Variants in WASF3 observed in about 807,000 individuals in gnomAD.
WASF3 encodes WASP family member 3, also known as actin-binding protein WASF3.
WASF3 carries 11 observed loss-of-function variants against 46.6 expected under a neutral mutation model. That is an observed-to-expected ratio of 0.24 (90% confidence interval 0.15 to 0.39). WASF3 has a LOEUF of 0.39. Ranked by LOEUF, WASF3 falls within the 10% of genes least tolerant of loss-of-function variation. WASF3 has a pLI of 1.00. For missense variants in WASF3, 576 were observed against 669.8 expected (o/e 0.86, Z 1.55); for synonymous variants, 242 against 259.7 (o/e 0.93, Z 0.65).
At chr13:26,677,787 C>T (rs984822251) in intron 7 of WASF3, among the ~76,000 whole-genome samples, 3 of 152,196 alleles carry the variant, frequency 2.0e-5, no homozygotes, top group Non-Finnish European at 4.4e-5. Flanking sequence ...CAGTTCTGCT[C>T]ATAGTTCTTT....
rs2137517645 is a variant in WASF3 at position 26,682,781 on chromosome 13, C to A, written c.1158C>A (p.Pro386=). 1 of 1,611,874 alleles carries A rather than the reference C, an allele frequency of 6.2e-7. No individual in the cohort carries two copies. ...CGCACGCAGCTCCTCCTCACCCACC[C>A]TCCACCGGGCTCCTGGTCACAGCCC... ...SSTHAAPPHP[P]STGLLVTAPP... Residue 386 remains proline, a synonymous_variant, in exon 9 of 10, where the codon CCC becomes CCA. Coordinates refer to ENST00000335327, the MANE Select transcript of WASF3 (RefSeq NM_006646.6). The surrounding 1 kb of genome is among the most constrained non-coding windows in gnomAD (Gnocchi z 4.4).
chr13:26,651,320 A>G (rs1461953398), intron 3 of WASF3, among the ~76,000 whole-genome samples: 2 of 152,180 alleles, frequency 1.3e-5, no homozygotes, highest in East Asian at 3.8e-4. Flanking sequence ...GACTCTAAAA[A>G]AACACAAAAA....
chr13:26,679,931 C>G lies in WASF3; in HGVS notation c.717-1123C>G, dbSNP rs576605621. 6.6e-6 allele frequency: 9 copies of G among 1,364,380 alleles called. No individual in the cohort carries two copies. In the South Asian group the frequency reaches 1.1e-4, roughly 17 times the overall value. 84.5% of individuals were successfully genotyped at this position (1,364,380 alleles called of 1,614,324 possible). ...AAGGCTTTTCTGTGCCACATGGTGC[C>G]CCAGTTAAGAAAAGCTACCAACTGG... On this transcript the variant is annotated intron_variant, in intron 7 of 9. Coordinates refer to ENST00000335327, the MANE Select transcript of WASF3 (RefSeq NM_006646.6). This position sits in a 1 kb window ranked among gnomAD's most constrained non-coding sequence, Gnocchi z 4.8.
At chr13:26,544,972 CAGAA>C in the WASF3 span, among the ~76,000 whole-genome samples, 1 of 152,224 alleles carries the variant, frequency 6.6e-6, no homozygotes, top group South Asian at 2.1e-4. Flanking sequence ...ATGTCAATAA[CAGAA>C]GGACATTTTT....
chr13:26,636,939 A>G (rs188564483), intron 2 of WASF3, among the ~76,000 whole-genome samples: 86 of 152,328 alleles, frequency 5.6e-4, no homozygotes, highest in Non-Finnish European at 1.0e-3. Context: ...GCCTCTGAGC[A>G]CTGGGTCCCT....
At chr13:26,578,432 TC>T (rs1879866619) in intron 1 of WASF3, among the ~76,000 whole-genome samples, 1 of 152,150 alleles carries the variant, frequency 6.6e-6, no homozygotes, top group Non-Finnish European at 1.5e-5. Context: ...AGTTAGAACT[TC>T]CCCTCCCTGC....
intron 1 of WASF3, among the ~76,000 whole-genome samples, chr13:26,562,952 C>CT (rs201177024): frequency 0.035 from 5,136 of 147,994 alleles, 86 homozygotes; most frequent in Middle Eastern, 0.055. Flanking sequence ...TTTATTTTCT[C>CT]TTTTTTTTGC....
At chr13:26,611,031 CTT>C (rs71080282) in intron 1 of WASF3, among the ~76,000 whole-genome samples, 5 of 110,572 alleles carry the variant, frequency 4.5e-5, no homozygotes, top group Non-Finnish European at 1.8e-5. Context: ...TTACTTACTC[CTT>C]TTTTTTTTTT....
chr13:26,548,989 G>GC, the WASF3 span, among the ~76,000 whole-genome samples: 1 of 143,698 alleles, frequency 7.0e-6, no homozygotes, highest in Admixed American at 7.0e-5. Flanking sequence ...TTCTTTCTTT[G>GC]TTTTTTTTTT....
chr13:26,574,840 C>CTT (rs546925714), intron 1 of WASF3, among the ~76,000 whole-genome samples: 1 of 142,384 alleles, frequency 7.0e-6, no homozygotes, highest in Non-Finnish European at 1.5e-5. Context: ...TTAACCCCTT[C>CTT]TTTTTTTTTT....
chr13:26,653,563 C>T (rs1882379969), intron 3 of WASF3, among the ~76,000 whole-genome samples: 3 of 152,214 alleles, frequency 2.0e-5, no homozygotes, highest in Admixed American at 6.5e-5. Flanking sequence ...GCATGCGACT[C>T]ACAGATAACT....
At chr13:26,649,872 C>G (rs1005613042) in intron 3 of WASF3, among the ~76,000 whole-genome samples, 5 of 152,126 alleles carry the variant, frequency 3.3e-5, no homozygotes, top group Non-Finnish European at 7.4e-5. Flanking sequence ...GAGTTCAAGA[C>G]CAGCCTGGCC....
chr13:26,637,124 T>C (rs776721771), intron 2 of WASF3, among the ~76,000 whole-genome samples: 12 of 152,304 alleles, frequency 7.9e-5, no homozygotes, highest in Admixed American at 4.6e-4. Context: ...CTTTCACAGC[T>C]AGGTTGTTGC....
At chr13:26,651,280 C>T (rs1484691697) in intron 3 of WASF3, among the ~76,000 whole-genome samples, 2 of 151,992 alleles carry the variant, frequency 1.3e-5, no homozygotes, top group Non-Finnish European at 2.9e-5. Context: ...GAAATTGCAC[C>T]ACTGCACTCC....
At position 26,622,358 on chromosome 13, in the gene WASF3, G is replaced by A. The variant is rs528875145; in HGVS notation, c.-11+9300G>A. Among the ~76,000 whole-genome samples, 6 of 152,198 alleles carry A rather than the reference G, an allele frequency of 3.9e-5. No homozygotes were observed. In the East Asian group the frequency reaches 7.7e-4, roughly 20 times the overall value. On this transcript the variant is annotated intron_variant, in intron 2 of 9. Coordinates refer to ENST00000335327, the MANE Select transcript of WASF3 (RefSeq NM_006646.6). ...ACTACCTCTACCTACCAGTAATATCGTTTTAAAATATGTAATAAAGACTTA... is the reference window on the plus strand; with the variant it reads ...ACTACCTCTACCTACCAGTAATATCATTTTAAAATATGTAATAAAGACTTA...
At chr13:26,605,363 A>C (rs1472708816) in intron 1 of WASF3, among the ~76,000 whole-genome samples, 1 of 152,176 alleles carries the variant, frequency 6.6e-6, no homozygotes, top group Non-Finnish European at 1.5e-5. Flanking sequence ...TGGAGTTGAA[A>C]CAACTGTTGA....
At position 26,686,063 on chromosome 13, in the gene WASF3, T is replaced by C. The variant is rs775732549; in HGVS notation, c.*218T>C. The C allele has an allele frequency of 8.5e-5, 46 of 541,006 alleles. No homozygotes were observed. The highest frequency in any genetic ancestry group is 4.9e-4 in the Middle Eastern group (1 of 2,036). The allele number at this position is 541,006 out of a possible 1,614,324, so 33.5% of individuals were successfully genotyped here. A position where few individuals can be genotyped will look rare whatever the true frequency, so the allele number is the denominator to read the frequency against. The stretch of plus-strand genomic sequence containing the variant: ...GCAAATTGTGCTGCACATGAGGAAA[T>C]AGGCTGTCACTATCACATTGTCCTG... On this transcript the variant is annotated 3_prime_UTR_variant, in exon 10 of 10. Coordinates refer to ENST00000335327, the MANE Select transcript of WASF3 (RefSeq NM_006646.6).
At chr13:26,641,153 A>G (rs892408356) in intron 2 of WASF3, 2 of 152,156 alleles carry the variant, frequency 1.3e-5, no homozygotes, top group Admixed American at 1.3e-4. Context: ...TCTTTTCCAG[A>G]GAGTAAAACA....
chr13:26,609,831 T>C (rs1421750221), intron 1 of WASF3, among the ~76,000 whole-genome samples: 1 of 152,210 alleles, frequency 6.6e-6, no homozygotes, highest in Non-Finnish European at 1.5e-5. Flanking sequence ...TATATGCTTT[T>C]CTTTGCAGTA....
Sources: gnomAD v4.1 joint callset for allele counts (sites outside exome capture counted in the v4.1 genomes callset) on GRCh38, gnomAD v4.1.1 for gene constraint, Gnocchi (gnomAD v3.1) non-coding constraint, MANE v1.5 for transcripts, NCBI Gene and HGNC (gene_info 2026-07-23, HGNC 2026-07-21) for gene names.